Variants in PHACTR1 observed in about 807,000 individuals in gnomAD.
The protein encoded by PHACTR1 is RPEL repeat containing 1.
A neutral mutation model predicts 69.2 loss-of-function variants in PHACTR1; 16 were observed. The observed-to-expected ratio is 0.23, with a 90% CI of 0.16 to 0.35. The LOEUF is 0.35. PHACTR1 is among the 10% of genes least tolerant of loss of function. The pLI, the probability that PHACTR1 is intolerant of heterozygous loss-of-function variation, is 1.00. For synonymous variants in PHACTR1, 312 were observed against 284.5 expected, an observed-to-expected ratio of 1.10 and a Z score of -0.97; for missense variants, 510 against 734.7, an observed-to-expected ratio of 0.69 and a Z score of 3.54.
At chr6:12,793,229 G>C (rs1260938853) in intron 4 of PHACTR1, among the ~76,000 whole-genome samples, 2 of 152,224 alleles carry the variant, frequency 1.3e-5, no homozygotes, top group Non-Finnish European at 2.9e-5. Flanking sequence ...CCTTATGCGA[G>C]AGTTGGCAAC....
chr6:12,769,617 A>G (rs1769120979), intron 4 of PHACTR1, among the ~76,000 whole-genome samples: 1 of 152,226 alleles, frequency 6.6e-6, no homozygotes, highest in African/African-American at 2.4e-5. Context: ...AATATGAGTA[A>G]AGGTCTTAGA....
chr6:13,109,118 T>G (rs1406858032), intron 5 of PHACTR1, among the ~76,000 whole-genome samples: 3 of 152,060 alleles, frequency 2.0e-5, no homozygotes, highest in Non-Finnish European at 4.4e-5. Flanking sequence ...CCTTGTGCTA[T>G]TGTGGAAATG....
chr6:12,969,319 T>G (rs1410046013), intron 4 of PHACTR1, among the ~76,000 whole-genome samples: 2 of 152,216 alleles, frequency 1.3e-5, no homozygotes, highest in Admixed American at 6.5e-5. Flanking sequence ...AGTAAAAGCC[T>G]TAAGTGGCTA....
At chr6:13,254,120 C>T (rs903868876) in intron 10 of PHACTR1, among the ~76,000 whole-genome samples, 6 of 152,014 alleles carry the variant, frequency 3.9e-5, no homozygotes, top group East Asian at 1.9e-4. Flanking sequence ...CCCAGCTACT[C>T]GGGAGGCTGA....
At chr6:13,093,720 A>G (rs188493077) in intron 5 of PHACTR1, among the ~76,000 whole-genome samples, 20 of 152,290 alleles carry the variant, frequency 1.3e-4, no homozygotes, top group Non-Finnish European at 2.5e-4. Context: ...TTAATATTAT[A>G]TTTATTCACT....
At chr6:12,738,033 C>T (rs929192865) in intron 3 of PHACTR1, among the ~76,000 whole-genome samples, 1 of 152,156 alleles carries the variant, frequency 6.6e-6, no homozygotes, top group Non-Finnish European at 1.5e-5. Flanking sequence ...CACTTTCCTC[C>T]TCCAGGACAG....
chr6:12,845,441 C>CA (rs1554149828), intron 4 of PHACTR1, among the ~76,000 whole-genome samples: 1 of 100,426 alleles, frequency 1.0e-5, no homozygotes, highest in Non-Finnish European at 2.2e-5. Context: ...CCCCCCCCCC[C>CA]CCGCCCTCCG....
At chr6:13,197,540 CT>C (rs147539684) in intron 7 of PHACTR1, among the ~76,000 whole-genome samples, 18 of 149,910 alleles carry the variant, frequency 1.2e-4, no homozygotes, top group South Asian at 2.1e-4. Flanking sequence ...TTCTGAGTTC[CT>C]TTTTTTTTTA....
At chr6:13,035,211 C>T (rs180812611) in intron 4 of PHACTR1, among the ~76,000 whole-genome samples, 5 of 152,274 alleles carry the variant, frequency 3.3e-5, no homozygotes, top group Non-Finnish European at 5.9e-5. Flanking sequence ...CTAATGGGCT[C>T]TGTTGTTATT....
chr6:12,922,319 G>T (rs545890238), intron 4 of PHACTR1, among the ~76,000 whole-genome samples: 12 of 152,292 alleles, frequency 7.9e-5, no homozygotes, highest in African/African-American at 2.9e-4. Flanking sequence ...TTTAGCAAAA[G>T]CATGTAAAAT....
At chr6:12,913,534 C>T (rs1055920678) in intron 4 of PHACTR1, among the ~76,000 whole-genome samples, 1 of 152,198 alleles carries the variant, frequency 6.6e-6, no homozygotes, top group African/African-American at 2.4e-5. Flanking sequence ...AGAGGCCCAC[C>T]CTGCATGCTC....
intron 10 of PHACTR1, among the ~76,000 whole-genome samples, chr6:13,238,493 C>G (rs1253068008): frequency 6.6e-6 from 1 of 152,164 alleles, no homozygotes; most frequent in Admixed American, 6.5e-5. Flanking sequence ...CCTAAGTAGT[C>G]TACACCATTG....
At chr6:13,016,360 G>A (rs548965296) in intron 4 of PHACTR1, among the ~76,000 whole-genome samples, 5 of 152,334 alleles carry the variant, frequency 3.3e-5, no homozygotes, top group Admixed American at 3.3e-4. Context: ...CACCGAAGAG[G>A]CCACTTGGTG....
At chr6:12,929,403 C>T (rs944868374) in intron 4 of PHACTR1, among the ~76,000 whole-genome samples, 19 of 152,162 alleles carry the variant, frequency 1.2e-4, no homozygotes, top group African/African-American at 4.6e-4. Context: ...CCAGAGACCC[C>T]AGTCCTTCAA....
chr6:13,139,605 G>C (rs886614725), intron 5 of PHACTR1, among the ~76,000 whole-genome samples: 1 of 152,172 alleles, frequency 6.6e-6, no homozygotes, highest in Non-Finnish European at 1.5e-5. Context: ...TTCAAAGACA[G>C]AGGTCAAGTC....
At chr6:13,027,314 C>T (rs1801834001) in intron 4 of PHACTR1, among the ~76,000 whole-genome samples, 1 of 151,978 alleles carries the variant, frequency 6.6e-6, no homozygotes, top group African/African-American at 2.4e-5. Context: ...TAATTTTCTG[C>T]CTAGTGTTTA....
chr6:12,781,297 C>T (rs1770787207), intron 4 of PHACTR1, among the ~76,000 whole-genome samples: 2 of 152,272 alleles, frequency 1.3e-5, no homozygotes, highest in South Asian at 4.1e-4. Flanking sequence ...CTTTACAGTA[C>T]AGAATCCAGA....
At chr6:13,195,718 A>ACTGTACT (rs1198467647) in intron 7 of PHACTR1, among the ~76,000 whole-genome samples, 1 of 137,024 alleles carries the variant, frequency 7.3e-6, no homozygotes, top group Non-Finnish European at 1.5e-5. Context: ...AGATCGCGCC[A>ACTGTACT]CTGTACTCCA....
At position 12,768,809 on chromosome 6, in the gene PHACTR1, T is replaced by TACACACAC. The variant is rs4053038; in HGVS notation, c.250+19065_250+19072dup. Among the ~76,000 whole-genome samples, 182 of 123,360 alleles carry TACACACAC rather than the reference T, an allele frequency of 1.5e-3. 3 individuals are homozygous for TACACACAC. The highest frequency in any genetic ancestry group is 5.2e-3 in the African/African-American group (167 of 31,904). The allele number at this position is 123,360 out of a possible 152,430, so 80.9% of individuals were successfully genotyped here. ...GAATGGATAAAGAAAATGTGCTATC[T>TACACACAC]ACACACACACACACACACACACACA... On this transcript the variant is annotated intron_variant, in intron 4 of 14. Coordinates refer to ENST00000332995, the MANE Select transcript of PHACTR1 (RefSeq NM_030948.6).
Sources: allele counts gnomAD v4.1 joint callset (sites outside exome capture counted in the v4.1 genomes callset), GRCh38; gene constraint gnomAD v4.1.1; transcripts MANE v1.5; gene names NCBI Gene and HGNC (gene_info 2026-07-23, HGNC 2026-07-21).